Variants in DNM3 observed in about 807,000 individuals in gnomAD.
DNM3 encodes the protein dynamin-3.
DNM3 carries 47 observed loss-of-function variants against 101.6 expected under a neutral mutation model. That is an observed-to-expected ratio of 0.46 (90% CI 0.37 to 0.59). The LOEUF (loss-of-function observed/expected upper bound fraction) is 0.59, where lower values mean the gene tolerates loss of function less well. Among genes scored for constraint, DNM3 ranks in the 20% least tolerant of loss-of-function variants. The pLI is 0.00. For synonymous variants in DNM3, 385 were observed against 387.9 expected (o/e 0.99, Z 0.09); for missense variants, 849 against 1,085.7 (o/e 0.78, Z 3.06).
intron 20 of DNM3, among the ~76,000 whole-genome samples, chr1:172,392,867 C>T (rs988951261): frequency 5.9e-5 from 9 of 152,102 alleles, no homozygotes; most frequent in African/African-American, 1.9e-4. Flanking sequence ...CTGAATCATT[C>T]GAAAGGATTT....
intron 1 of DNM3, among the ~76,000 whole-genome samples, chr1:171,884,739 A>T (rs1348287905): frequency 6.6e-6 from 1 of 152,188 alleles, no homozygotes; most frequent in African/African-American, 2.4e-5. Context: ...ACTTGTTCAC[A>T]TGATGTCAAC....
At chr1:171,965,621 A>T (rs193279693) in intron 2 of DNM3, among the ~76,000 whole-genome samples, 2 of 152,098 alleles carry the variant, frequency 1.3e-5, no homozygotes, top group Non-Finnish European at 2.9e-5. Context: ...CAGAAGAAGT[A>T]CATGGGGCGA....
intron 15 of DNM3, among the ~76,000 whole-genome samples, chr1:172,278,707 A>G (rs1224729446): frequency 1.3e-5 from 2 of 152,142 alleles, no homozygotes; most frequent in East Asian, 1.9e-4. Context: ...GACTTGTTGC[A>G]TAAGTATACA....
At chr1:172,216,416 T>A (rs6692434) in intron 14 of DNM3, among the ~76,000 whole-genome samples, 28,898 of 151,910 alleles carry the variant, frequency 0.19, 3,814 homozygotes, top group African/African-American at 0.38. Context: ...TTCCTGAAAA[T>A]TTTCCCTCCC....
At chr1:172,051,946 T>A (rs1049484324) in intron 10 of DNM3, among the ~76,000 whole-genome samples, 23 of 152,208 alleles carry the variant, frequency 1.5e-4, no homozygotes, top group Admixed American at 2.0e-4. Flanking sequence ...TCTATTTGTG[T>A]GAACTGGTGC....
Position 172,307,939 on chromosome 1 carries a change from G to A in DNM3, c.1770-789G>A, listed in dbSNP as rs562121418. ...TAATGTAAATGATGAGTTAATGGGT[G>A]CAGCAAACCAACATGGCATGTGTAT... On this transcript the variant is annotated intron_variant, in intron 15 of 20. Coordinates refer to ENST00000627582, the MANE Select transcript of DNM3 (RefSeq NM_015569.5). Among the ~76,000 whole-genome samples, 9 of 152,174 alleles carry A rather than the reference G, an allele frequency of 5.9e-5. No individual in the cohort carries two copies. In the South Asian group the frequency reaches 1.9e-3, roughly 32 times the overall value.
At chr1:172,196,538 T>G (rs1285202863) in intron 14 of DNM3, among the ~76,000 whole-genome samples, 2 of 152,122 alleles carry the variant, frequency 1.3e-5, no homozygotes, top group Non-Finnish European at 2.9e-5. Context: ...TGTATAAGCA[T>G]TCCCTTTTCT....
chr1:172,278,007 C>G (rs1469310551), intron 15 of DNM3, among the ~76,000 whole-genome samples: 1 of 152,112 alleles, frequency 6.6e-6, no homozygotes, highest in Admixed American at 6.6e-5. Context: ...AAGCATCTCT[C>G]AGCTCAGAGA....
At chr1:171,872,283 A>G (rs1042533447) in intron 1 of DNM3, among the ~76,000 whole-genome samples, 6 of 152,212 alleles carry the variant, frequency 3.9e-5, no homozygotes, top group East Asian at 1.9e-4. Flanking sequence ...ACCAAATGGT[A>G]TATTTTGAGA....
intron 14 of DNM3, among the ~76,000 whole-genome samples, chr1:172,181,993 C>G (rs906557402): frequency 6.6e-6 from 1 of 151,932 alleles, no homozygotes; most frequent in Non-Finnish European, 1.5e-5. Flanking sequence ...GTTGCCACAA[C>G]TTTATGAACT....
intron 15 of DNM3, among the ~76,000 whole-genome samples, chr1:172,282,626 A>T (rs576009649): frequency 6.6e-6 from 1 of 152,194 alleles, no homozygotes; most frequent in African/African-American, 2.4e-5. Context: ...TGATAAGGGG[A>T]TAAGGATATT....
intron 14 of DNM3, among the ~76,000 whole-genome samples, chr1:172,206,501 A>G (rs1189285406): frequency 6.6e-6 from 1 of 152,108 alleles, no homozygotes; most frequent in Admixed American, 6.6e-5. Context: ...TTACTGTTGT[A>G]TCAAGGATTT....
At chr1:171,841,895 C>A in intron 1 of DNM3, 78 bp downstream of exon 1, 1 of 1,488,328 alleles carries the variant, frequency 6.7e-7, no homozygotes, top group Non-Finnish European at 8.9e-7. Flanking sequence ...GGACGGGCAG[C>A]GGGAGCCAGA....
rs574859581 is a variant in DNM3 at position 171,984,624 on chromosome 1, C to T, written c.236-3032C>T. Among the ~76,000 whole-genome samples the T allele has an allele frequency of 1.2e-3, 177 of 152,286 alleles. 4 individuals carry two copies. The South Asian group carries it at 0.029, about 25-fold the overall frequency. ...CCTTTCCCAGAGCATTTGCTATCCCCCTGCTATTTTATTTTCTCCATAGCA... is the reference window on the plus strand; with the variant it reads ...CCTTTCCCAGAGCATTTGCTATCCCTCTGCTATTTTATTTTCTCCATAGCA... On this transcript the variant is annotated intron_variant, in intron 2 of 20. Coordinates refer to ENST00000627582, the MANE Select transcript of DNM3 (RefSeq NM_015569.5).
intron 14 of DNM3, among the ~76,000 whole-genome samples, chr1:172,215,183 T>A (rs1373251340): frequency 6.6e-6 from 1 of 151,992 alleles, no homozygotes; most frequent in Non-Finnish European, 1.5e-5. Flanking sequence ...TAGTAGTCAT[T>A]GTTTCCAAGC....
intron 2 of DNM3, among the ~76,000 whole-genome samples, chr1:171,948,333 T>C (rs2042293796): frequency 6.6e-6 from 1 of 152,202 alleles, no homozygotes; most frequent in African/African-American, 2.4e-5. Flanking sequence ...TAATGTATAA[T>C]GGATAGGGAA....
intron 13 of DNM3, among the ~76,000 whole-genome samples, chr1:172,099,479 A>G (rs2054482575): frequency 1.3e-5 from 2 of 152,146 alleles, no homozygotes; most frequent in Admixed American, 6.5e-5. Context: ...AGTGGCACAC[A>G]TCATTTCTAT....
chr1:172,388,678 C>T lies in DNM3; in HGVS notation c.2391C>T (p.Gly797=). ...CAGCTCCTGCCATTCCCTCTCCTGG[C>T]CCCCACTCTGGGGCTCCTCCAGTCC... The part of the protein sequence containing the change: ...RGPAPAIPSP[G]PHSGAPPVPF... Residue 797 remains glycine, a synonymous_variant, in exon 20 of 21, where the codon GGC becomes GGT. Coordinates refer to ENST00000627582, the MANE Select transcript of DNM3 (RefSeq NM_015569.5). The T allele has an allele frequency of 1.9e-6, 3 of 1,613,978 alleles. No homozygotes were observed. The South Asian group carries it at 3.3e-5, about 18-fold the overall frequency.
At chr1:172,141,505 C>T (rs988763942) in intron 14 of DNM3, among the ~76,000 whole-genome samples, 3 of 152,026 alleles carry the variant, frequency 2.0e-5, no homozygotes, top group African/African-American at 2.4e-5. Flanking sequence ...AAAGCTTTGG[C>T]GTCTCTTTAC....
Sources: allele counts gnomAD v4.1 joint callset (sites outside exome capture counted in the v4.1 genomes callset), GRCh38; gene constraint gnomAD v4.1.1; transcripts MANE v1.5; gene names NCBI Gene and HGNC (gene_info 2026-07-23, HGNC 2026-07-21).